The following LARP6 variants were observed in gnomAD, a reference collection of about 807,000 sequenced individuals.
LARP6 encodes la-related protein 6.
A neutral mutation model predicts 32.8 loss-of-function variants in LARP6; 18 were observed. The observed-to-expected ratio is 0.55, with a 90% confidence interval of 0.38 to 0.81. The LOEUF is 0.81. LARP6 is among the 40% of genes least tolerant of loss of function. LARP6 has a pLI of 0.00. For missense variants in LARP6, 598 were observed against 663.1 expected (o/e 0.90, Z 1.08); for synonymous variants, 289 against 267.2 (o/e 1.08, Z -0.80).
Position 70,853,949 on chromosome 15 carries a change from G to T in LARP6, c.140C>A (p.Ala47Asp). 3 of 1,449,318 alleles carry T rather than the reference G, an allele frequency of 2.1e-6. No homozygotes were observed. Among genetic ancestry groups the T allele is most frequent in the Non-Finnish European group, 2.7e-6 (3 of 1,096,322 alleles). The allele number at this position is 1,449,318 out of a possible 1,614,324, so 89.8% of individuals were successfully genotyped here. Residue 47 changes from alanine (A) to aspartate (D), a missense_variant, in exon 1 of 3, where the codon GCC becomes GAC. Physicochemically the swap from Ala to Asp is moderately radical, Grantham distance 126. Transcript: ENST00000299213. ...GAETRGAGDP[A>D]RYLSPGWGSA... The stretch of plus-strand genomic sequence containing the variant: ...GCCCCAGCCGGGGCTGAGGTACCGG[G>T]CCGGGTCCCCGGCGCCCCGAGTCTC...
chr15:70,836,675 A>T (rs1375653785), intron 1 of LARP6, among the ~76,000 whole-genome samples, 170 bp from the exon 2 acceptor site: 1 of 152,122 alleles, frequency 6.6e-6, no homozygotes, highest in Non-Finnish European at 1.5e-5. Flanking sequence ...AGTAGGGTGG[A>T]CCCCCTAATC....
intron 1 of LARP6, among the ~76,000 whole-genome samples, chr15:70,840,418 T>C (rs1947225569): frequency 6.6e-6 from 1 of 152,084 alleles, no homozygotes; most frequent in African/African-American, 2.4e-5. Context: ...TGGTAGCCTG[T>C]AATCCCAGCT....
intron 2 of LARP6, among the ~76,000 whole-genome samples, chr15:70,834,986 C>T (rs1202736809): frequency 2.0e-5 from 3 of 152,174 alleles, no homozygotes; most frequent in Non-Finnish European, 2.9e-5. Context: ...CTAAATAGGA[C>T]CATAAGTGGC....
intron 1 of LARP6, among the ~76,000 whole-genome samples, chr15:70,851,065 G>A (rs542319939): frequency 6.6e-6 from 1 of 152,304 alleles, no homozygotes; most frequent in African/African-American, 2.4e-5. Context: ...AATCTTGAAT[G>A]TGGAACTTGG....
At chr15:70,847,133 C>T (rs1308028139) in intron 1 of LARP6, among the ~76,000 whole-genome samples, 1 of 152,110 alleles carries the variant, frequency 6.6e-6, no homozygotes, top group East Asian at 1.9e-4. Context: ...GCAAATCATA[C>T]CTATCAGGAT....
At chr15:70,833,533 C>T (rs933848094) in intron 2 of LARP6, among the ~76,000 whole-genome samples, 7 of 152,128 alleles carry the variant, frequency 4.6e-5, no homozygotes, top group Admixed American at 3.9e-4. Flanking sequence ...GTTAATAGTG[C>T]CATCTCAAAG....
At chr15:70,836,676 C>T (rs953692268) in intron 1 of LARP6, among the ~76,000 whole-genome samples, 171 bp from the exon 2 acceptor site, 1 of 152,134 alleles carries the variant, frequency 6.6e-6, no homozygotes, top group Non-Finnish European at 1.5e-5. Flanking sequence ...GTAGGGTGGA[C>T]CCCCTAATCC....
chr15:70,850,465 A>G (rs1004729161), intron 1 of LARP6, among the ~76,000 whole-genome samples: 1 of 152,354 alleles, frequency 6.6e-6, no homozygotes, highest in Middle Eastern at 3.4e-3. Flanking sequence ...AGCAAACTGA[A>G]TTCGACAGCA....
rs561216361 is a variant in LARP6, at chr15:70,836,351, C to T, written c.355G>A (p.Val119Met). 3.1e-6 allele frequency: 5 copies of T among 1,614,130 alleles called. No homozygotes were observed. Among genetic ancestry groups the T allele is most frequent in the Non-Finnish European group, 3.4e-6 (4 of 1,180,022 alleles). The change falls in exon 2 of 3, where the codon GTG (valine) becomes ATG (methionine). Residue 119 changes from valine to methionine, a missense_variant. Val to Met is a conservative substitution (Grantham distance 21, BLOSUM62 1). This residue lies in a region of LARP6 where 69 missense variants were observed against 116.7 expected (regional missense o/e 0.59). Transcript: ENST00000299213. The stretch of plus-strand genomic sequence containing the variant: ...ACATATCCCAGCTTGTTCCTCCTCA[C>T]GTGTTTTAGCAAAAAGGCGTCCTTC... The part of the protein sequence containing the change: ...LEKDAFLLKH[V>M]RRNKLGYVSV...
At position 70,853,952 on chromosome 15, in the gene LARP6, G is replaced by A. The variant is rs2032569165; in HGVS notation, c.137C>T (p.Pro46Leu). The change falls in exon 1 of 3, where the codon CCG becomes CTG. Residue 46 changes from proline (P) to leucine (L), a missense_variant. Transcript: ENST00000299213. ...CCAGCCGGGGCTGAGGTACCGGGCC[G>A]GGTCCCCGGCGCCCCGAGTCTCCGC... is the stretch of plus-strand genomic sequence containing the variant. Reference protein sequence around the residue: ...EGAETRGAGDPARYLSPGWGS... With the variant: ...EGAETRGAGDLARYLSPGWGS... 3 of 1,450,570 alleles carry A rather than the reference G, an allele frequency of 2.1e-6. No individual in the cohort carries two copies. The African/African-American group carries it at 4.4e-5, about 21-fold the overall frequency. 89.9% of individuals were successfully genotyped at this position (1,450,570 alleles called of 1,614,324 possible). A position where few individuals can be genotyped will look rare whatever the true frequency, so the allele number is the denominator to read the frequency against.
In LARP6 at chr15:70,831,332, C is replaced by T. The variant is rs76264900; in HGVS notation, c.*720G>A. ...GGGGTACAGTGAGAAACCCTAAATG[C>T]CCTGACTTGATCACTATGCATTATA... On this transcript the variant is annotated 3_prime_UTR_variant, in exon 3 of 3. Transcript: ENST00000299213. 117 of 152,298 alleles carry T rather than the reference C, an allele frequency of 7.7e-4. No individual in the cohort carries two copies. The highest frequency in any genetic ancestry group is 2.8e-3 in the African/African-American group (116 of 41,554). The allele number at this position is 152,298 out of a possible 1,614,324, so 9.4% of individuals were successfully genotyped here.
rs1047609788 is a variant in LARP6, at chr15:70,833,139, G to C, written c.412-23C>G. 4 of 1,592,618 alleles carry C rather than the reference G, an allele frequency of 2.5e-6. No homozygotes were observed. In the South Asian group the frequency reaches 4.4e-5, roughly 18 times the overall value. The stretch of plus-strand genomic sequence containing the variant: ...CACCTGCAGAACATAAAGCAAATCT[G>C]AAATAGTATCTAATGTCCTTGTCCA... On this transcript the variant is annotated intron_variant, in intron 2 of 2. Coordinates refer to ENST00000299213, the MANE Select transcript of LARP6 (RefSeq NM_018357.4).
Position 70,832,637 on chromosome 15 carries a change from T to C in LARP6, c.891A>G (p.Lys297=). ...KAVLIGMKPP[K]KKPAKDKNHD... is the part of the protein sequence containing the mutation. ...GATTTTTGTCTTTGGCAGGTTTCTT[T>C]TTGGGTGGCTTCATACCAATCAGGA... is the stretch of plus-strand genomic sequence containing the variant. Residue 297 remains lysine, a synonymous_variant, in exon 3 of 3, where the codon AAA becomes AAG. Transcript: ENST00000299213. The C allele has an allele frequency of 6.2e-7, 1 of 1,609,456 alleles. No individual in the cohort carries two copies.
chr15:70,838,915 A>C (rs1254654874), intron 1 of LARP6, among the ~76,000 whole-genome samples: 3 of 150,892 alleles, frequency 2.0e-5, no homozygotes, highest in Admixed American at 6.6e-5. Context: ...AGCCTCACAA[A>C]AAAAAAAAAA....
intron 1 of LARP6, among the ~76,000 whole-genome samples, chr15:70,837,800 C>G (rs1307373744): frequency 6.6e-6 from 1 of 152,176 alleles, no homozygotes; most frequent in Non-Finnish European, 1.5e-5. Flanking sequence ...TCTAGGAGTC[C>G]TGGCTTTAGA....
chr15:70,836,329 T>G lies in LARP6; in HGVS notation c.377A>C (p.Tyr126Ser). 4 of 1,614,192 alleles carry G rather than the reference T, an allele frequency of 2.5e-6. No individual in the cohort carries two copies. The highest frequency in any genetic ancestry group is 3.4e-6 in the Non-Finnish European group (4 of 1,180,010). The change falls in exon 2 of 3, where the codon TAT becomes TCT. Residue 126 changes from tyrosine (Y) to serine (S), a missense_variant. By Grantham distance (144) the Tyr-to-Ser change is moderately radical. This residue lies in a region of LARP6 where 69 missense variants were observed against 116.7 expected (regional missense o/e 0.59). Transcript: ENST00000299213. ...LKHVRRNKLG[Y>S]VSVKLLTSFK... ...GGATGTGAGTAGCTTAACGCTCACA[T>G]ATCCCAGCTTGTTCCTCCTCACGTG...
intron 1 of LARP6, among the ~76,000 whole-genome samples, chr15:70,847,570 C>T (rs1464866595): frequency 2.0e-5 from 3 of 151,946 alleles, no homozygotes; most frequent in African/African-American, 7.3e-5. Flanking sequence ...AGTGTTTCAT[C>T]GTATTGGCCA....
At chr15:70,845,539 C>T (rs923961734) in intron 1 of LARP6, among the ~76,000 whole-genome samples, 4 of 152,192 alleles carry the variant, frequency 2.6e-5, no homozygotes, top group Non-Finnish European at 5.9e-5. Flanking sequence ...GGATGCTAAC[C>T]TTGATCACCT....
intron 1 of LARP6, among the ~76,000 whole-genome samples, chr15:70,841,662 G>T (rs2032261311): frequency 2.6e-5 from 4 of 152,188 alleles, no homozygotes; most frequent in Non-Finnish European, 2.9e-5. Context: ...TCATTTAAAA[G>T]TATGTGGTAC....
Sources: allele counts gnomAD v4.1 joint callset (sites outside exome capture counted in the v4.1 genomes callset), GRCh38; gene constraint gnomAD v4.1.1; regional missense constraint gnomAD v4.1.1; transcripts MANE v1.5; gene names NCBI Gene and HGNC (gene_info 2026-07-23, HGNC 2026-07-21).